The following RANBP2 variants were observed in gnomAD, a reference collection of about 807,000 sequenced individuals.
RANBP2 encodes RAN binding protein 2, also known as E3 SUMO-protein ligase RanBP2.
RANBP2 carries 57 observed loss-of-function variants against 303.6 expected under a neutral mutation model. The ratio of observed to expected loss-of-function variants is 0.19; its 90% confidence interval spans 0.15 to 0.23. RANBP2 has a LOEUF of 0.23. Among genes scored for constraint, RANBP2 ranks in the 10% least tolerant of loss-of-function variants. The pLI, the probability that RANBP2 is intolerant of heterozygous loss-of-function variation, is 1.00. For missense variants in RANBP2, 3,138 were observed against 3,780.8 expected, an observed-to-expected ratio of 0.83 and a Z score of 4.46; for synonymous variants, 1,167 against 1,301.5, an observed-to-expected ratio of 0.90 and a Z score of 2.23.
chr2:109,640,431 A>G, the RANBP2 span, among the ~76,000 whole-genome samples: 1 of 152,228 alleles, frequency 6.6e-6, no homozygotes, highest in Admixed American at 6.5e-5. Flanking sequence ...CAGCCTGGGC[A>G]ACAGAGTGAT....
At chr2:109,047,001 C>A in the RANBP2 span, among the ~76,000 whole-genome samples, 33 of 152,244 alleles carry the variant, frequency 2.2e-4, no homozygotes, top group African/African-American at 7.5e-4. Flanking sequence ...CCCGGCCTGC[C>A]CTGCCCTGCC....
chr2:109,118,534 C>G, the RANBP2 span, among the ~76,000 whole-genome samples: 14 of 151,370 alleles, frequency 9.2e-5, no homozygotes, highest in African/African-American at 3.4e-4. Flanking sequence ...GTTTGTCCAC[C>G]GCAGCCGGCC....
the RANBP2 span, among the ~76,000 whole-genome samples, chr2:108,937,308 GTCCCTGCA>G: frequency 6.6e-6 from 1 of 152,240 alleles, no homozygotes; most frequent in Non-Finnish European, 1.5e-5. Flanking sequence ...GGTGGGCTGT[GTCCCTGCA>G]TTCTCTCAGG....
At chr2:109,466,972 T>C in the RANBP2 span, among the ~76,000 whole-genome samples, 20 of 152,226 alleles carry the variant, frequency 1.3e-4, no homozygotes, top group Admixed American at 4.6e-4. Flanking sequence ...TGTGTGTGTA[T>C]GTCTTCATAC....
the RANBP2 span, among the ~76,000 whole-genome samples, chr2:108,926,017 C>T: frequency 6.6e-6 from 1 of 152,090 alleles, no homozygotes; most frequent in African/African-American, 2.4e-5. Flanking sequence ...GAGAAGCCAC[C>T]GTTTTCTAGC....
chr2:109,345,777 A>T, the RANBP2 span, among the ~76,000 whole-genome samples: 4 of 152,276 alleles, frequency 2.6e-5, no homozygotes. Flanking sequence ...TTGTAAATTT[A>T]ACCAAACAGG....
chr2:109,398,597 A>G, the RANBP2 span: 1 of 1,562,680 alleles, frequency 6.4e-7, no homozygotes, highest in Non-Finnish European at 8.7e-7. Context: ...CAGCTCAATG[A>G]CTCCGCCAAG....
chr2:109,539,537 A>G, the RANBP2 span, among the ~76,000 whole-genome samples: 3 of 151,970 alleles, frequency 2.0e-5, no homozygotes, highest in East Asian at 2.0e-4. Context: ...TCTGCCTCCC[A>G]GGTTCAAGCA....
the RANBP2 span, among the ~76,000 whole-genome samples, chr2:109,257,594 G>A: frequency 1.4e-4 from 22 of 152,108 alleles, no homozygotes; most frequent in South Asian, 1.2e-3. Context: ...CTTGACCACT[G>A]GAGCAGGATA....
chr2:108,780,812 C>T (rs892390829), intron 25 of RANBP2, among the ~76,000 whole-genome samples: 4 of 150,482 alleles, frequency 2.7e-5, no homozygotes, highest in South Asian at 2.1e-4. Context: ...TGGGTTCAAG[C>T]GATTCTCCTG....
At chr2:109,799,236 T>A in the RANBP2 span, among the ~76,000 whole-genome samples, 8 of 127,754 alleles carry the variant, frequency 6.3e-5, no homozygotes, top group East Asian at 7.1e-4. Flanking sequence ...AGACTCCATC[T>A]CAAAAAAAAA....
the RANBP2 span, among the ~76,000 whole-genome samples, chr2:109,026,080 C>T: frequency 3.3e-5 from 5 of 152,040 alleles, no homozygotes; most frequent in African/African-American, 1.2e-4. Context: ...TCAGCACCAC[C>T]ACAGAAAAGC....
the RANBP2 span, among the ~76,000 whole-genome samples, chr2:109,588,094 T>C: frequency 0.19 from 28,101 of 151,052 alleles, 3,451 homozygotes; most frequent in Non-Finnish European, 0.27. Flanking sequence ...ATGACCCCTA[T>C]AAAATGCCCC....
the RANBP2 span, among the ~76,000 whole-genome samples, chr2:109,257,813 G>A: frequency 2.0e-5 from 3 of 152,194 alleles, no homozygotes. Context: ...CAGCCAGCCT[G>A]TTTAAGTGGA....
chr2:108,764,658 A>G lies in RANBP2; in HGVS notation c.4119A>G (p.Val1373=), dbSNP rs1317971722. ...ATGCTTCAACTGCTAAGAAATGTGTATCATGCCAAAATCTAAACCCAAGCA... is the reference window on the plus strand; with the variant it reads ...ATGCTTCAACTGCTAAGAAATGTGTGTCATGCCAAAATCTAAACCCAAGCA... ...LKNASTAKKC[V]SCQNLNPSNK... Residue 1373 remains valine, a synonymous_variant, in exon 20 of 29, where the codon GTA becomes GTG. Transcript: ENST00000283195. 1 of 1,614,090 alleles carries G rather than the reference A, an allele frequency of 6.2e-7. No homozygotes were observed. The highest frequency in any genetic ancestry group is 1.7e-5 in the Admixed American group (1 of 60,004).
the RANBP2 span, among the ~76,000 whole-genome samples, chr2:109,497,671 G>T: frequency 1.9e-4 from 29 of 152,212 alleles, no homozygotes; most frequent in Non-Finnish European, 2.9e-4. Flanking sequence ...GCAGCAGGAA[G>T]AACAGCTCAG....
chr2:109,594,113 AAATGG>A, the RANBP2 span, among the ~76,000 whole-genome samples: 1 of 152,352 alleles, frequency 6.6e-6, no homozygotes, highest in African/African-American at 2.4e-5. Context: ...GTTGTAAACC[AAATGG>A]ATATTCACTG....
chr2:109,460,491 A>C, the RANBP2 span, among the ~76,000 whole-genome samples: 1 of 152,142 alleles, frequency 6.6e-6, no homozygotes, highest in South Asian at 2.1e-4. Context: ...CATCACCTCC[A>C]TCCACAGTGG....
At chr2:109,491,006 G>T in the RANBP2 span, 1 of 1,353,398 alleles carries the variant, frequency 7.4e-7, no homozygotes, top group South Asian at 1.8e-5. Context: ...GCCACCTTCG[G>T]GGAGCAGGGA....
Sources: gnomAD v4.1 joint callset for allele counts (sites outside exome capture counted in the v4.1 genomes callset) on GRCh38, gnomAD v4.1.1 for gene constraint, MANE v1.5 for transcripts, NCBI Gene and HGNC (gene_info 2026-07-23, HGNC 2026-07-21) for gene names.